The following CAMTA1 variants were observed in gnomAD, a reference collection of about 807,000 sequenced individuals.
The protein encoded by CAMTA1 is calmodulin-binding transcription activator 1.
CAMTA1 carries 27 observed loss-of-function variants against 170.9 expected under a neutral mutation model. The ratio of observed to expected loss-of-function variants is 0.16; its 90% CI spans 0.12 to 0.22. The LOEUF is 0.22. Ranked by LOEUF, CAMTA1 falls within the 10% of genes least tolerant of loss-of-function variation. CAMTA1 has a pLI of 1.00. For synonymous variants in CAMTA1, 833 were observed against 891.5 expected, an observed-to-expected ratio of 0.93 and a Z score of 1.17; for missense variants, 1,619 against 2,217.2, an observed-to-expected ratio of 0.73 and a Z score of 5.42.
chr1:7,105,760 T>C (rs1042389443), intron 4 of CAMTA1, among the ~76,000 whole-genome samples: 7 of 151,840 alleles, frequency 4.6e-5, no homozygotes, highest in African/African-American at 1.7e-4. Flanking sequence ...CTGGGTAATA[T>C]AGTGAGACCA....
chr1:7,668,388 AACACACACACACACACAC>A (rs779206499), intron 9 of CAMTA1, among the ~76,000 whole-genome samples: 1,050 of 101,468 alleles, frequency 0.01, 8 homozygotes, highest in African/African-American at 0.03. Flanking sequence ...GCTGGTCACC[AACACACACACACACACAC>A]ACACACACAC....
intron 11 of CAMTA1, among the ~76,000 whole-genome samples, chr1:7,714,121 C>G (rs1308396896): frequency 1.3e-5 from 2 of 152,144 alleles, no homozygotes; most frequent in African/African-American, 4.8e-5. Context: ...CAGGTACATT[C>G]AATTCTGAAA....
chr1:7,253,602 T>C (rs1205086646), intron 5 of CAMTA1, among the ~76,000 whole-genome samples: 1 of 152,170 alleles, frequency 6.6e-6, no homozygotes, highest in Non-Finnish European at 1.5e-5. Flanking sequence ...CATTGAATCC[T>C]CATAAACACA....
rs142986673 is a variant in CAMTA1 at position 7,736,444 on chromosome 1, A to G, written c.3167A>G (p.His1056Arg). ...MSRACWAKSK[H>R]LIHSKTFRGM... ...CGAGCCTGCTGGGCGAAGTCCAAGC[A>G]CTTGATCCACTCAAAGACTTTCCGC... Residue 1056 changes from histidine (H) to arginine (R), a missense_variant, in exon 13 of 23, where the codon CAC becomes CGC. His to Arg is a conservative substitution (Grantham distance 29). Coordinates refer to ENST00000303635, the MANE Select transcript of CAMTA1 (RefSeq NM_015215.4). This position sits in a 1 kb window ranked among gnomAD's most constrained non-coding sequence, Gnocchi z 4.5. 53 of 1,614,104 alleles carry G rather than the reference A, an allele frequency of 3.3e-5. No individual in the cohort carries two copies. The African/African-American group carries it at 4.7e-4, about 14-fold the overall frequency.
chr1:6,852,766 A>C (rs1000757814), intron 3 of CAMTA1, among the ~76,000 whole-genome samples: 1 of 152,234 alleles, frequency 6.6e-6, no homozygotes, highest in Admixed American at 6.5e-5. Context: ...CTCTATTACG[A>C]AGGCATGATT....
At chr1:6,848,159 G>A (rs1659008298) in intron 3 of CAMTA1, among the ~76,000 whole-genome samples, 1 of 149,584 alleles carries the variant, frequency 6.7e-6, no homozygotes, top group South Asian at 2.2e-4. Context: ...CATTTTAACA[G>A]ATTTTTTTGT....
At position 7,699,144 on chromosome 1, in the gene CAMTA1, C is replaced by G. The variant is rs528198542; in HGVS notation, c.2914+21411C>G. Among the ~76,000 whole-genome samples, 5 of 152,290 alleles carry G rather than the reference C, an allele frequency of 3.3e-5. No homozygotes were observed. The East Asian group carries it at 5.8e-4, about 18-fold the overall frequency. The stretch of plus-strand genomic sequence containing the variant: ...ATTGAGACATAATTAACATACCATA[C>G]AATTTACCTATTTGAAGTACAAAGT... On this transcript the variant is annotated intron_variant, in intron 11 of 22. Transcript: ENST00000303635.
chr1:7,360,383 G>T (rs1001731669), intron 5 of CAMTA1, among the ~76,000 whole-genome samples: 2 of 152,240 alleles, frequency 1.3e-5, no homozygotes, highest in African/African-American at 4.8e-5. Context: ...CTACACTGAT[G>T]CACTGGAGTG....
At position 7,646,042 on chromosome 1, in the gene CAMTA1, AGGCCCTGGTGAGTTTGGTGGG is replaced by A. The variant is rs2095800910; in HGVS notation, c.664+5501_664+5521del. 2.0e-5 allele frequency among the ~76,000 whole-genome samples: 3 copies of A among 151,746 alleles called. No individual in the cohort carries two copies. In the South Asian group the frequency reaches 6.2e-4, roughly 32 times the overall value. On this transcript the variant is annotated intron_variant, in intron 7 of 22. Coordinates refer to ENST00000303635, the MANE Select transcript of CAMTA1 (RefSeq NM_015215.4). ...TGGAGGCCATAGTGAGTGCAGGTGAAGGCCCTGGTGAGTTTGGTGGGGGCCCTGGTGAATTGGGTGGAGGCC... is the reference window on the plus strand; with the variant it reads ...TGGAGGCCATAGTGAGTGCAGGTGAAGGCCCTGGTGAATTGGGTGGAGGCC...
intron 6 of CAMTA1, among the ~76,000 whole-genome samples, chr1:7,584,479 C>T (rs2095291367): frequency 1.3e-5 from 2 of 152,056 alleles, no homozygotes; most frequent in Admixed American, 1.3e-4. Flanking sequence ...GATTCTCCCA[C>T]GACAGAGAGG....
intron 1 of CAMTA1, among the ~76,000 whole-genome samples, chr1:6,789,470 A>G (rs1640398602): frequency 6.6e-6 from 1 of 151,996 alleles, no homozygotes; most frequent in East Asian, 1.9e-4. Context: ...CATTACTTTG[A>G]GCCATTCTTC....
rs1396522862 is a variant in CAMTA1, at chr1:7,674,529, A to G, written c.2780-3070A>G. ...CACAGTGGCTCATGCCTGTAATCCT[A>G]GCATGTTGGGAGGCCGAGGCGGGCG... On this transcript the variant is annotated intron_variant, in intron 10 of 22. Transcript: ENST00000303635. The surrounding 1 kb of genome is among the most constrained non-coding windows in gnomAD (Gnocchi z 4.1). Among the ~76,000 whole-genome samples the G allele has an allele frequency of 1.3e-5, 2 of 152,218 alleles. No homozygotes were observed. The highest frequency in any genetic ancestry group is 4.8e-5 in the African/African-American group (2 of 41,452).
At chr1:7,492,684 C>CAA (rs1294979615) in intron 6 of CAMTA1, among the ~76,000 whole-genome samples, 24 of 149,054 alleles carry the variant, frequency 1.6e-4, no homozygotes, top group African/African-American at 5.9e-4. Context: ...CACACACAAA[C>CAA]ACAAACCTAC....
At chr1:6,871,954 GAGT>G in intron 3 of CAMTA1, 1 of 1,282,236 alleles carries the variant, frequency 7.8e-7, no homozygotes, top group Non-Finnish European at 9.9e-7. Context: ...ATACCCCTTT[GAGT>G]GATAAATTTG....
At chr1:7,181,495 T>A (rs1349982586) in intron 4 of CAMTA1, among the ~76,000 whole-genome samples, 1 of 152,130 alleles carries the variant, frequency 6.6e-6, no homozygotes, top group Non-Finnish European at 1.5e-5. Context: ...CCCTAGAGAA[T>A]CAATGATAAA....
In CAMTA1 at chr1:7,060,481, C is replaced by A. The variant is rs1034349667; in HGVS notation, c.235-30823C>A. The stretch of plus-strand genomic sequence containing the variant: ...TGCCGTCTCCAAATCCAGTCACATG[C>A]CGAGATGCTGGGAGTTAGGGCTTCA... On this transcript the variant is annotated intron_variant, in intron 3 of 22. Transcript: ENST00000303635. Among the ~76,000 whole-genome samples the A allele has an allele frequency of 5.9e-5, 9 of 152,212 alleles. No individual in the cohort carries two copies. The East Asian group carries it at 1.7e-3, about 29-fold the overall frequency.
At chr1:7,349,209 C>T (rs1303028621) in intron 5 of CAMTA1, among the ~76,000 whole-genome samples, 3 of 152,226 alleles carry the variant, frequency 2.0e-5, no homozygotes, top group African/African-American at 7.2e-5. Flanking sequence ...CACACCATCA[C>T]CAGCGTGCTT....
intron 11 of CAMTA1, among the ~76,000 whole-genome samples, chr1:7,708,242 G>A (rs1469354863): frequency 6.6e-6 from 1 of 152,178 alleles, no homozygotes; most frequent in Non-Finnish European, 1.5e-5. Flanking sequence ...GAGGTGGGAG[G>A]ATCGCCTGAG....
At chr1:6,889,268 T>A (rs996189861) in intron 3 of CAMTA1, among the ~76,000 whole-genome samples, 1 of 152,210 alleles carries the variant, frequency 6.6e-6, no homozygotes, top group Admixed American at 6.5e-5. Flanking sequence ...TACACTCTTA[T>A]GAAAGTATAA....
Sources: allele counts gnomAD v4.1 joint callset (sites outside exome capture counted in the v4.1 genomes callset), GRCh38; gene constraint gnomAD v4.1.1; non-coding constraint Gnocchi (gnomAD v3.1); transcripts MANE v1.5; gene names NCBI Gene and HGNC (gene_info 2026-07-23, HGNC 2026-07-21).